UBASH3A: variants seen among roughly 807,000 people sequenced by gnomAD.
The protein encoded by UBASH3A is ubiquitin-associated and SH3 domain-containing protein A.
A neutral mutation model predicts 73.5 loss-of-function variants in UBASH3A; 63 were observed. The observed-to-expected ratio is 0.86, with a 90% CI of 0.70 to 1.06. The LOEUF (loss-of-function observed/expected upper bound fraction) is 1.06. Among genes scored for constraint, UBASH3A ranks in the 50% least tolerant of loss-of-function variants. UBASH3A has a pLI of 0.00. For missense variants in UBASH3A, 860 were observed against 859.0 expected, an observed-to-expected ratio of 1.00 and a Z score of -0.02; for synonymous variants, 363 against 351.1, an observed-to-expected ratio of 1.03 and a Z score of -0.38.
At chr21:42,411,112 CAGAT>C (rs1385382491) in intron 3 of UBASH3A, among the ~76,000 whole-genome samples, 1 of 151,088 alleles carries the variant, frequency 6.6e-6, no homozygotes, top group Non-Finnish European at 1.5e-5. Context: ...CAGACACACA[CAGAT>C]AGACACAGAG....
chr21:42,434,808 G>A (rs748353999), intron 9 of UBASH3A, 24 bp from the exon 10 acceptor site: 15 of 1,605,706 alleles, frequency 9.3e-6, no homozygotes, highest in East Asian at 6.7e-5. Context: ...GAAACTGAAC[G>A]TCTGATGCTT....
In UBASH3A at chr21:42,447,253, C is replaced by T; in HGVS notation, c.*59C>T. 1 of 1,551,992 alleles carries T rather than the reference C, an allele frequency of 6.4e-7. No homozygotes were observed. The highest frequency in any genetic ancestry group is 1.2e-5 in the South Asian group (1 of 83,930). On this transcript the variant is annotated 3_prime_UTR_variant, in exon 15 of 15. Transcript: ENST00000319294. The stretch of plus-strand genomic sequence containing the variant: ...GAGAGGCAGAAACCATGTGCAGAGG[C>T]TGGGAGATGCTGCTGTTTCCAGAGG...
intron 9 of UBASH3A, among the ~76,000 whole-genome samples, chr21:42,434,451 A>G (rs1441753719): frequency 6.6e-6 from 1 of 152,188 alleles, no homozygotes; most frequent in Non-Finnish European, 1.5e-5. Flanking sequence ...GTTTAAAGCT[A>G]GGGGGATGGA....
chr21:42,416,446 CT>C lies in UBASH3A; in HGVS notation c.673del (p.Ser225ProfsTer2). The C allele has an allele frequency of 6.4e-7, 1 of 1,573,744 alleles. No homozygotes were observed. The highest frequency in any genetic ancestry group is 8.6e-7 in the Non-Finnish European group (1 of 1,162,798). On this transcript the variant is annotated frameshift_variant, in exon 6 of 15. Coordinates refer to ENST00000319294, the MANE Select transcript of UBASH3A (RefSeq NM_018961.4). LOFTEE classifies it high-confidence loss of function. ...VSHYILQKYC[S>X]VKPCTKQLHL... Reference sequence around the variant, plus strand: ...TGTGTTTCCCTGATTTCACAGACTGCTCCGTGAAGCCTTGCACCAAACAGCT... The same window carrying C: ...TGTGTTTCCCTGATTTCACAGACTGCCCGTGAAGCCTTGCACCAAACAGCT...
chr21:42,447,179 G>A lies in UBASH3A; in HGVS notation c.1971G>A (p.Trp657Ter), dbSNP rs750724079. The A allele has an allele frequency of 3.1e-6, 5 of 1,613,976 alleles. No individual in the cohort carries two copies. The highest frequency in any genetic ancestry group is 4.5e-5 in the East Asian group (2 of 44,874). The stretch of plus-strand genomic sequence containing the variant: ...ACGCAGCATTTAACTGGAGGAACTG[G>A]ATCTCAGGCAACTGAGAGCCACGGT... The part of the protein sequence containing the change: ...GANAAFNWRN[W>*]ISGN The change falls in exon 15 of 15, where the codon TGG becomes TGA. Residue 657 changes from tryptophan to a stop codon, truncating the protein, a stop_gained. Transcript: ENST00000319294. LOFTEE classifies it high-confidence loss of function.
At chr21:42,422,484 C>G (rs2053354211) in intron 7 of UBASH3A, among the ~76,000 whole-genome samples, 1 of 152,144 alleles carries the variant, frequency 6.6e-6, no homozygotes. Context: ...ACAAAGAGAT[C>G]AACTCACTTG....
intron 13 of UBASH3A, 47 bp downstream of exon 13, chr21:42,443,465 G>A: frequency 2.0e-6 from 3 of 1,489,424 alleles, no homozygotes; most frequent in Non-Finnish European, 2.7e-6. Context: ...GGGGCTTGGG[G>A]AATTATCTCT....
At position 42,432,291 on chromosome 21, in the gene UBASH3A, A is replaced by G. The variant is rs1232137487; in HGVS notation, c.1270+89A>G. 3 of 844,002 alleles carry G rather than the reference A, an allele frequency of 3.6e-6. No homozygotes were observed. The African/African-American group carries it at 5.2e-5, about 15-fold the overall frequency. The allele number at this position is 844,002 out of a possible 1,614,324, so 52.3% of individuals were successfully genotyped here. On this transcript the variant is annotated intron_variant, in intron 9 of 14. Transcript: ENST00000319294. The stretch of plus-strand genomic sequence containing the variant: ...TCTTAATGACCTTACATGGCACCAG[A>G]TCCCCTGAGGCACCATTCTGTAGAA...
chr21:42,404,038 G>A lies in UBASH3A; in HGVS notation c.93G>A (p.Met31Ile). ...SPSLLEPLLAMGFPVHTALKA... is the reference protein window; with the variant it reads ...SPSLLEPLLAIGFPVHTALKA... ...CGCTCCTGGAGCCCCTCCTGGCCAT[G>A]GGCTTCCCGGTGCACACCGCGTGAG... is the stretch of plus-strand genomic sequence containing the variant. The change falls in exon 1 of 15, where the codon ATG becomes ATA. Residue 31 changes from methionine to isoleucine, a missense_variant. Physicochemically the swap from Met to Ile is conservative, Grantham distance 10. Coordinates refer to ENST00000319294, the MANE Select transcript of UBASH3A (RefSeq NM_018961.4). The A allele has an allele frequency of 6.6e-7, 1 of 1,523,046 alleles. No individual in the cohort carries two copies. The highest frequency in any genetic ancestry group is 8.8e-7 in the Non-Finnish European group (1 of 1,130,680). The allele number at this position is 1,523,046 out of a possible 1,614,324, so 94.3% of individuals were successfully genotyped here. A position where few individuals can be genotyped will look rare whatever the true frequency, so the allele number is the denominator to read the frequency against.
intron 7 of UBASH3A, 148 bp from the exon 8 acceptor site, chr21:42,426,549 G>T: frequency 1.2e-6 from 1 of 802,748 alleles, no homozygotes; most frequent in East Asian, 2.6e-5. Flanking sequence ...TGAGCACTTT[G>T]CACACGCTAC....
intron 1 of UBASH3A, 127 bp from the exon 2 acceptor site, chr21:42,406,181 T>C (rs2052971375): frequency 1.3e-6 from 1 of 788,852 alleles, no homozygotes; most frequent in African/African-American, 1.7e-5. Flanking sequence ...CAGCTGGAAG[T>C]TCAGCATCAG....
chr21:42,413,306 T>G lies in UBASH3A; in HGVS notation c.553+84T>G. 1 of 1,550,456 alleles carries G rather than the reference T, an allele frequency of 6.4e-7. No homozygotes were observed. The highest frequency in any genetic ancestry group is 8.9e-7 in the Non-Finnish European group (1 of 1,127,180). On this transcript the variant is annotated intron_variant, in intron 4 of 14. Transcript: ENST00000319294. This position sits in a 1 kb window ranked among gnomAD's most constrained non-coding sequence, Gnocchi z 4.5. ...GTGGCAGGGACTAGCCCCCGGCACATGGATGCAGTGGGTGGGTTCCAGGGG... is the reference window on the plus strand; with the variant it reads ...GTGGCAGGGACTAGCCCCCGGCACAGGGATGCAGTGGGTGGGTTCCAGGGG...
chr21:42,419,577 A>G (rs1568920206), intron 7 of UBASH3A, among the ~76,000 whole-genome samples: 4 of 152,026 alleles, frequency 2.6e-5, no homozygotes, highest in Admixed American at 2.6e-4. Flanking sequence ...TAGCATCCCT[A>G]TTTCCTCTAG....
Position 42,413,571 on chromosome 21 carries a change from CG to C in UBASH3A, c.667+51del. On this transcript the variant is annotated intron_variant, in intron 5 of 14. Transcript: ENST00000319294. The surrounding 1 kb of genome is among the most constrained non-coding windows in gnomAD (Gnocchi z 4.5). The stretch of plus-strand genomic sequence containing the variant: ...GACCAGCTTTGGTCTTCTCTTTAGG[CG>C]GGAATAGCCTTGTTCTCATTATGTG... 7.4e-7 allele frequency: 1 copy of C among 1,351,024 alleles called. No individual in the cohort carries two copies. 83.7% of individuals were successfully genotyped at this position (1,351,024 alleles called of 1,614,324 possible).
chr21:42,435,767 A>C (rs1271095807), intron 10 of UBASH3A, among the ~76,000 whole-genome samples: 1 of 151,924 alleles, frequency 6.6e-6, no homozygotes, highest in Non-Finnish European at 1.5e-5. Flanking sequence ...TTATAGAGTT[A>C]GTTATAGAGT....
chr21:42,422,610 A>T (rs1269512270), intron 7 of UBASH3A, among the ~76,000 whole-genome samples: 3 of 152,252 alleles, frequency 2.0e-5, no homozygotes, highest in Admixed American at 2.0e-4. Context: ...ATTAAAATTT[A>T]AAAATAAGTC....
chr21:42,420,952 A>C (rs1214769406), intron 7 of UBASH3A, among the ~76,000 whole-genome samples: 1 of 152,230 alleles, frequency 6.6e-6, no homozygotes, highest in South Asian at 2.1e-4. Context: ...TAGGATGGCT[A>C]CTGCCTCCCT....
chr21:42,447,147 G>T lies in UBASH3A; in HGVS notation c.1939G>T (p.Gly647Trp). The T allele has an allele frequency of 1.2e-6, 2 of 1,614,150 alleles. No individual in the cohort carries two copies. The highest frequency in any genetic ancestry group is 1.7e-6 in the Non-Finnish European group (2 of 1,180,010). The change falls in exon 15 of 15, where the codon GGG (glycine) becomes TGG (tryptophan). Residue 647 changes from glycine to tryptophan, a missense_variant. By Grantham distance (184) the Gly-to-Trp change is radical. Coordinates refer to ENST00000319294, the MANE Select transcript of UBASH3A (RefSeq NM_018961.4). ...CCCACCGGTGAAGACCCTGACCCAC[G>T]GGGCGAACGCAGCATTTAACTGGAG... is the stretch of plus-strand genomic sequence containing the variant. ...VNPPVKTLTHGANAAFNWRNW... is the reference protein window; with the variant it reads ...VNPPVKTLTHWANAAFNWRNW...
chr21:42,426,914 T>C, intron 8 of UBASH3A, 94 bp downstream of exon 8: 1 of 1,481,668 alleles, frequency 6.7e-7, no homozygotes. Context: ...AGGTGTAGCT[T>C]TTGTTCCATA....
Sources: gnomAD v4.1 joint callset for allele counts (sites outside exome capture counted in the v4.1 genomes callset) on GRCh38, gnomAD v4.1.1 for gene constraint, Gnocchi (gnomAD v3.1) non-coding constraint, MANE v1.5 for transcripts, NCBI Gene and HGNC (gene_info 2026-07-23, HGNC 2026-07-21) for gene names.